PPP2R2B: variants seen among roughly 807,000 people sequenced by gnomAD.
The protein encoded by PPP2R2B is protein phosphatase 2 regulatory subunit Bbeta.
PPP2R2B carries 5 observed loss-of-function variants against 46.0 expected under a neutral mutation model. The ratio of observed to expected loss-of-function variants is 0.11; its 90% CI spans 0.06 to 0.23. The LOEUF is 0.23. Among genes scored for constraint, PPP2R2B ranks in the 10% least tolerant of loss-of-function variants. PPP2R2B has a pLI of 1.00. For missense variants in PPP2R2B, 367 were observed against 575.0 expected (o/e 0.64, Z 3.70); for synonymous variants, 215 against 206.7 (o/e 1.04, Z -0.34).
chr5:146,890,474 C>T (rs1486761814), intron 1 of PPP2R2B, among the ~76,000 whole-genome samples: 1 of 152,166 alleles, frequency 6.6e-6, no homozygotes, highest in African/African-American at 2.4e-5. Flanking sequence ...TGGGAAACAG[C>T]ACGTGGTAAA....
chr5:146,600,160 C>G, intron 8 of PPP2R2B, 131 bp downstream of exon 8: 1 of 949,896 alleles, frequency 1.1e-6, no homozygotes. Context: ...ATAGCCTGTA[C>G]CATTTTACTG....
At chr5:146,594,871 T>TTTAAG (rs1036874619) in intron 8 of PPP2R2B, among the ~76,000 whole-genome samples, 2 of 152,112 alleles carry the variant, frequency 1.3e-5, no homozygotes, top group Non-Finnish European at 2.9e-5. Flanking sequence ...GGCATTGGTG[T>TTTAAG]TTAAGTTAAG....
At chr5:146,983,644 A>G (rs1044209047) in intron 1 of PPP2R2B, among the ~76,000 whole-genome samples, 2 of 152,168 alleles carry the variant, frequency 1.3e-5, no homozygotes, top group African/African-American at 2.4e-5. Flanking sequence ...ATTTATAACT[A>G]TTTTAAACTT....
chr5:146,906,615 C>T (rs989240776), intron 1 of PPP2R2B, among the ~76,000 whole-genome samples: 1 of 152,202 alleles, frequency 6.6e-6, no homozygotes, highest in Non-Finnish European at 1.5e-5. Flanking sequence ...AGCCACCGCA[C>T]CTGGCCTTTT....
chr5:146,942,172 G>A (rs1764343426), intron 1 of PPP2R2B, among the ~76,000 whole-genome samples: 1 of 152,108 alleles, frequency 6.6e-6, no homozygotes, highest in Admixed American at 6.6e-5. Context: ...GACATTCTGA[G>A]GTGCTATGAG....
At chr5:147,056,440 C>T (rs72827264), upstream of PPP2R2B, among the ~76,000 whole-genome samples, 2 of 152,268 alleles carry the variant, frequency 1.3e-5, no homozygotes, top group Non-Finnish European at 1.5e-5. Context: ...ATTCTGTGCT[C>T]CACTACTGCC....
chr5:146,812,791 G>GTATATATATATA (rs1239921320), intron 2 of PPP2R2B, among the ~76,000 whole-genome samples: 2 of 9,944 alleles, frequency 2.0e-4, no homozygotes, highest in African/African-American at 7.5e-4. Context: ...GTGTATATGT[G>GTATATATATATA]TGTATATATA....
chr5:146,834,702 G>A (rs891240028), intron 2 of PPP2R2B, among the ~76,000 whole-genome samples: 1 of 148,456 alleles, frequency 6.7e-6, no homozygotes, highest in African/African-American at 2.5e-5. Context: ...AGTAAATTGT[G>A]TGTGTTGAGA....
chr5:146,884,542 C>A (rs2163782), intron 1 of PPP2R2B, among the ~76,000 whole-genome samples: 1 of 152,168 alleles, frequency 6.6e-6, no homozygotes, highest in Admixed American at 6.5e-5. Context: ...TGCTTCAATA[C>A]TAAACAAAAA....
chr5:146,963,474 C>T (rs1390114757), intron 1 of PPP2R2B, among the ~76,000 whole-genome samples: 1 of 152,198 alleles, frequency 6.6e-6, no homozygotes, highest in Non-Finnish European at 1.5e-5. Flanking sequence ...CAGGTTAGTC[C>T]TCCACTCACA....
intron 1 of PPP2R2B, among the ~76,000 whole-genome samples, chr5:146,962,095 C>G (rs1752196411): frequency 6.8e-6 from 1 of 146,024 alleles, no homozygotes; most frequent in Admixed American, 7.0e-5. Flanking sequence ...ATCCCTGCCC[C>G]CATACTCCCA....
In PPP2R2B at chr5:146,590,088, G is replaced by GC. The variant is rs767808084; in HGVS notation, c.1190dup (p.Lys398GlnfsTer15). The GC allele has an allele frequency of 3.1e-6, 5 of 1,613,912 alleles. No individual in the cohort carries two copies. The highest frequency in any genetic ancestry group is 4.2e-6 in the Non-Finnish European group (5 of 1,179,992). ...CACTGATCTCGTCTTTTCTCCGCTT[G>GC]CCCCCCACACACACTTTTCGGGGTT... On this transcript the variant is annotated frameshift_variant, in exon 10 of 10. Coordinates refer to ENST00000394411, the MANE Select transcript of PPP2R2B (RefSeq NM_181675.4). LOFTEE classifies it high-confidence loss of function.
chr5:146,648,960 G>T (rs1417295540), intron 6 of PPP2R2B, among the ~76,000 whole-genome samples: 1 of 152,174 alleles, frequency 6.6e-6, no homozygotes, highest in Non-Finnish European at 1.5e-5. Flanking sequence ...ATTTTATTCT[G>T]AGTTTAGTGG....
chr5:146,820,953 C>A (rs551980719), intron 2 of PPP2R2B, among the ~76,000 whole-genome samples: 1 of 152,270 alleles, frequency 6.6e-6, no homozygotes, highest in South Asian at 2.1e-4. Flanking sequence ...CTGCACTGCG[C>A]TAGTCCTGGG....
chr5:146,637,561 G>A (rs2151077781), intron 7 of PPP2R2B, among the ~76,000 whole-genome samples: 1 of 152,210 alleles, frequency 6.6e-6, no homozygotes, highest in South Asian at 2.1e-4. Flanking sequence ...CCTTCCATCT[G>A]AACAATTTCC....
At chr5:147,017,028 T>C (rs928531398) in intron 1 of PPP2R2B, among the ~76,000 whole-genome samples, 1 of 151,538 alleles carries the variant, frequency 6.6e-6, no homozygotes, top group African/African-American at 2.4e-5. Flanking sequence ...AAGTTTTGGA[T>C]AGATTGCTCT....
At chr5:146,745,586 G>A (rs1753138491) in intron 2 of PPP2R2B, among the ~76,000 whole-genome samples, 1 of 152,144 alleles carries the variant, frequency 6.6e-6, no homozygotes, top group African/African-American at 2.4e-5. Flanking sequence ...GAATCTCTTT[G>A]AACTTCAGTT....
intron 2 of PPP2R2B, among the ~76,000 whole-genome samples, chr5:146,811,977 A>C (rs1009605392): frequency 2.0e-5 from 3 of 151,892 alleles, no homozygotes; most frequent in Admixed American, 6.6e-5. Flanking sequence ...ACTCCTACTC[A>C]CTGGGGAAGT....
At chr5:146,625,909 G>GAGAAGGA (rs1208638967) in intron 7 of PPP2R2B, among the ~76,000 whole-genome samples, 1 of 152,188 alleles carries the variant, frequency 6.6e-6, no homozygotes, top group African/African-American at 2.4e-5. Flanking sequence ...GATGTGATAT[G>GAGAAGGA]AGAAGGACTC....
Sources: allele counts gnomAD v4.1 joint callset (sites outside exome capture counted in the v4.1 genomes callset), GRCh38; gene constraint gnomAD v4.1.1; transcripts MANE v1.5; gene names NCBI Gene and HGNC (gene_info 2026-07-23, HGNC 2026-07-21).